The following PCDHA2 variants were observed in gnomAD, a reference collection of about 807,000 sequenced individuals.
PCDHA2 encodes the protein protocadherin alpha 2.
Under a neutral mutation model 66.0 loss-of-function variants are expected in PCDHA2, and 58 were observed. The observed-to-expected ratio is 0.88, with a 90% CI of 0.71 to 1.09. The LOEUF is 1.09. PCDHA2 is among the 50% of genes least tolerant of loss of function. The pLI is 0.00. For missense variants in PCDHA2, 1,267 were observed against 1,242.3 expected, an observed-to-expected ratio of 1.02 and a Z score of -0.30; for synonymous variants, 634 against 554.0, an observed-to-expected ratio of 1.14 and a Z score of -2.03.
At chr5:140,905,380 T>G (rs1226315920) in intron 1 of PCDHA2, among the ~76,000 whole-genome samples, 1 of 152,216 alleles carries the variant, frequency 6.6e-6, no homozygotes, top group African/African-American at 2.4e-5. Context: ...TCTGTTCTGT[T>G]TCATAGGTCT....
At chr5:140,983,783 G>A (rs2097068046) in intron 3 of PCDHA2, among the ~76,000 whole-genome samples, 1 of 152,130 alleles carries the variant, frequency 6.6e-6, no homozygotes, top group Non-Finnish European at 1.5e-5. Context: ...ATACATAACA[G>A]ATGACAGAAT....
Position 140,795,669 on chromosome 5 carries a change from A to T in PCDHA2, c.705A>T (p.Val235=). The change falls in exon 1 of 4, where the codon GTA becomes GTT. Residue 235 remains valine (V), a synonymous_variant. Transcript: ENST00000526136. ...TVQILIKVLD[V]NDNEPTFAQS... is the part of the protein sequence containing the mutation. Reference sequence around the variant, plus strand: ...AAATACTTATTAAGGTATTAGATGTAAATGACAATGAACCAACTTTTGCCC... The same window carrying T: ...AAATACTTATTAAGGTATTAGATGTTAATGACAATGAACCAACTTTTGCCC... The T allele has an allele frequency of 6.2e-7, 1 of 1,614,162 alleles. No homozygotes were observed. Among genetic ancestry groups the T allele is most frequent in the Non-Finnish European group, 8.5e-7 (1 of 1,180,000 alleles).
chr5:140,966,578 G>A, intron 1 of PCDHA2: 1 of 527,316 alleles, frequency 1.9e-6, no homozygotes, highest in Non-Finnish European at 3.1e-6. Context: ...GGGAGTCAGC[G>A]AGGACGGTGG....
chr5:140,861,534 A>G lies in PCDHA2; in HGVS notation c.2388+64182A>G, dbSNP rs1004709017. ...GCTGTGTGGGAGGATCTCGGAGTGCAGCATCCACCTGGAAGTGATCGTGGA... is the reference window on the plus strand; with the variant it reads ...GCTGTGTGGGAGGATCTCGGAGTGCGGCATCCACCTGGAAGTGATCGTGGA... On this transcript the variant is annotated intron_variant, in intron 1 of 3. Coordinates refer to ENST00000526136, the MANE Select transcript of PCDHA2 (RefSeq NM_018905.3). The G allele has an allele frequency of 4.9e-5, 22 of 448,754 alleles. No individual in the cohort carries two copies. The Middle Eastern group carries it at 3.2e-3, about 66-fold the overall frequency. The allele number at this position is 448,754 out of a possible 1,614,324, so 27.8% of individuals were successfully genotyped here.
In PCDHA2 at chr5:140,796,225, T is replaced by A; in HGVS notation, c.1261T>A (p.Tyr421Asn). The A allele has an allele frequency of 6.2e-7, 1 of 1,614,214 alleles. No individual in the cohort carries two copies. Among genetic ancestry groups the A allele is most frequent in the Non-Finnish European group, 8.5e-7 (1 of 1,180,054 alleles). ...CCTGGACCGCGAGAGCGTGTCAGCC[T>A]ATGAGCTGGTGGTGACCGCACGGGA... Reference protein sequence around the residue: ...SALDRESVSAYELVVTARDGG... With the variant: ...SALDRESVSANELVVTARDGG... Residue 421 changes from tyrosine to asparagine, a missense_variant, in exon 1 of 4, where the codon TAT (tyrosine) becomes AAT (asparagine). By Grantham distance (143) the Tyr-to-Asn change is moderately radical. Coordinates refer to ENST00000526136, the MANE Select transcript of PCDHA2 (RefSeq NM_018905.3).
At chr5:140,823,797 G>A in intron 1 of PCDHA2, 1 of 1,613,836 alleles carries the variant, frequency 6.2e-7, no homozygotes, top group Non-Finnish European at 8.5e-7. Context: ...GTGGCCAGGC[G>A]CCGAAGGCCT....
chr5:140,976,395 T>G (rs973484895), intron 1 of PCDHA2, among the ~76,000 whole-genome samples: 1 of 151,734 alleles, frequency 6.6e-6, no homozygotes, highest in Middle Eastern at 3.4e-3. Flanking sequence ...TACTAAAAAT[T>G]CAAAAATTAG....
rs200196783 is a variant in PCDHA2 at position 140,849,807 on chromosome 5, A to C, written c.2388+52455A>C. On this transcript the variant is annotated intron_variant, in intron 1 of 3. Transcript: ENST00000526136. The stretch of plus-strand genomic sequence containing the variant: ...CGGGGGCTCGCCTTCACTGTGGGCC[A>C]CGGCCAGGGTGTCTGTGGAGGTGGC... 5.4e-5 allele frequency: 86 copies of C among 1,598,400 alleles called. 9 individuals are homozygous for C. The highest frequency in any genetic ancestry group is 6.8e-5 in the Non-Finnish European group (80 of 1,167,954).
At chr5:140,844,657 C>G (rs1252310311) in intron 1 of PCDHA2, among the ~76,000 whole-genome samples, 1 of 149,150 alleles carries the variant, frequency 6.7e-6, no homozygotes, top group South Asian at 2.1e-4. Context: ...TCTTGCAAAC[C>G]AAACATATAA....
At chr5:140,877,334 C>T (rs375199455) in intron 1 of PCDHA2, 1 of 1,614,002 alleles carries the variant, frequency 6.2e-7, no homozygotes, top group Non-Finnish European at 8.5e-7. Flanking sequence ...GCGCACATCC[C>T]GTTCCACGTG....
intron 1 of PCDHA2, chr5:140,868,028 G>A (rs1380913243): frequency 2.0e-5 from 3 of 152,006 alleles, no homozygotes; most frequent in Non-Finnish European, 4.4e-5. Flanking sequence ...ACCAATGTTG[G>A]TGACTTGGAA....
chr5:140,879,491 T>G (rs2153367311), intron 1 of PCDHA2, among the ~76,000 whole-genome samples: 1 of 152,338 alleles, frequency 6.6e-6, no homozygotes. Flanking sequence ...AATATGGGTC[T>G]GGATCTCAGA....
intron 1 of PCDHA2, among the ~76,000 whole-genome samples, chr5:140,937,708 C>G (rs535447052): frequency 6.6e-6 from 1 of 151,944 alleles, no homozygotes; most frequent in South Asian, 2.1e-4. Flanking sequence ...GTCAGGAGAT[C>G]AAGACCATCC....
rs782065777 is a variant in PCDHA2, at chr5:140,876,365, A to G, written c.2388+79013A>G. Reference sequence around the variant, plus strand: ...AAATGTATGTTTTCAATAAATCCAGACACAGGTGAAATTAGAATTTATGGT... The same window carrying G: ...AAATGTATGTTTTCAATAAATCCAGGCACAGGTGAAATTAGAATTTATGGT... On this transcript the variant is annotated intron_variant, in intron 1 of 3. Coordinates refer to ENST00000526136, the MANE Select transcript of PCDHA2 (RefSeq NM_018905.3). 60 of 1,613,862 alleles carry G rather than the reference A, an allele frequency of 3.7e-5. 2 individuals carry two copies. In the South Asian group the frequency reaches 6.5e-4, roughly 17 times the overall value.
At chr5:140,970,567 T>G (rs558796957) in intron 1 of PCDHA2, among the ~76,000 whole-genome samples, 7 of 152,284 alleles carry the variant, frequency 4.6e-5, no homozygotes, top group African/African-American at 1.7e-4. Context: ...TCCATATGTA[T>G]GCTTGAAATA....
chr5:140,882,998 C>T, intron 1 of PCDHA2: 1 of 1,614,066 alleles, frequency 6.2e-7, no homozygotes. Context: ...GGAATTTTAC[C>T]AATCCGTTTA....
At chr5:140,876,554 A>C (rs2056417075) in intron 1 of PCDHA2, 2 of 1,614,052 alleles carry the variant, frequency 1.2e-6, no homozygotes, top group African/African-American at 2.7e-5. Context: ...CCTGTGCAAG[A>C]GGATGCTCAG....
At chr5:140,833,728 T>C (rs1554133934) in intron 1 of PCDHA2, among the ~76,000 whole-genome samples, 1 of 147,810 alleles carries the variant, frequency 6.8e-6, no homozygotes, top group Non-Finnish European at 1.5e-5. Context: ...TAGTTGCTAA[T>C]GTTTCTTGCC....
intron 1 of PCDHA2, chr5:140,807,100 A>C (rs1763843839): frequency 1.4e-6 from 2 of 1,408,914 alleles, no homozygotes; most frequent in Admixed American, 2.0e-5. Context: ...AATATGGAGG[A>C]TGCAGCTGCA....
Sources: allele counts gnomAD v4.1 joint callset (sites outside exome capture counted in the v4.1 genomes callset), GRCh38; gene constraint gnomAD v4.1.1; transcripts MANE v1.5; gene names NCBI Gene and HGNC (gene_info 2026-07-23, HGNC 2026-07-21).